Variants in PTPN21 observed in about 807,000 individuals in gnomAD.
PTPN21 encodes the protein tyrosine-protein phosphatase non-receptor type 21.
Under a neutral mutation model 131.8 loss-of-function variants are expected in PTPN21, and 77 were observed. The ratio of observed to expected loss-of-function variants is 0.58; its 90% CI spans 0.49 to 0.71. The LOEUF is 0.71. PTPN21 is among the 30% of genes least tolerant of loss of function. The pLI is 0.00. For missense variants in PTPN21, 1,552 were observed against 1,527.1 expected (o/e 1.02, Z -0.27); for synonymous variants, 715 against 621.3 (o/e 1.15, Z -2.24).
At chr14:88,537,310 G>A (rs1000003304) in intron 2 of PTPN21, among the ~76,000 whole-genome samples, 1 of 152,072 alleles carries the variant, frequency 6.6e-6, no homozygotes, top group Non-Finnish European at 1.5e-5. Flanking sequence ...GACAGTAGGA[G>A]GCACAAACTG....
At chr14:88,490,374 G>A (rs1458393140) in intron 10 of PTPN21, among the ~76,000 whole-genome samples, 3 of 152,030 alleles carry the variant, frequency 2.0e-5, no homozygotes, top group Admixed American at 6.6e-5. Flanking sequence ...AGAAAAAGCC[G>A]CTGCCTCTCC....
chr14:88,526,548 A>AG lies in PTPN21; in HGVS notation c.181-9288_181-9287insC, dbSNP rs2078480664. ...CTGGGCAATAGAGCGAGATGATCTC[A>AG]AAAAAAAAAAAAAAAAAAAAAAAAA... On this transcript the variant is annotated intron_variant, in intron 2 of 18. Coordinates refer to ENST00000556564, the MANE Select transcript of PTPN21 (RefSeq NM_007039.4). Among the ~76,000 whole-genome samples the AG allele has an allele frequency of 5.7e-4, 4 of 7,056 alleles. No individual in the cohort carries two copies. The East Asian group carries it at 0.024, about 42-fold the overall frequency. The allele number at this position is 7,056 out of a possible 152,430, so 4.6% of individuals were successfully genotyped here. A position where few individuals can be genotyped will look rare whatever the true frequency, so the allele number is the denominator to read the frequency against.
chr14:88,542,126 G>A (rs1015288443), intron 2 of PTPN21, among the ~76,000 whole-genome samples: 4 of 152,276 alleles, frequency 2.6e-5, no homozygotes, highest in Middle Eastern at 3.4e-3. Context: ...TATTAGCTAC[G>A]TAATCACTCA....
chr14:88,481,996 G>A (rs1183856162), intron 12 of PTPN21, among the ~76,000 whole-genome samples: 1 of 152,250 alleles, frequency 6.6e-6, no homozygotes, highest in Non-Finnish European at 1.5e-5. Context: ...CCCTACGGCA[G>A]ACTCAGACAG....
intron 2 of PTPN21, among the ~76,000 whole-genome samples, chr14:88,541,637 C>T (rs904553792): frequency 2.0e-5 from 3 of 152,182 alleles, no homozygotes; most frequent in Non-Finnish European, 2.9e-5. Flanking sequence ...TCTGTCCCCC[C>T]TGAGAGGGGC....
chr14:88,475,007 G>A (rs929440390), intron 13 of PTPN21, among the ~76,000 whole-genome samples: 1 of 152,050 alleles, frequency 6.6e-6, no homozygotes, highest in Non-Finnish European at 1.5e-5. Flanking sequence ...CAGGAGAAAG[G>A]CTTGAACCTG....
In PTPN21 at chr14:88,467,462, G is replaced by T. The variant is rs892916068; in HGVS notation, c.*675C>A. 6.6e-6 allele frequency: 1 copy of T among 151,374 alleles called. No individual in the cohort carries two copies. Among genetic ancestry groups the T allele is most frequent in the Non-Finnish European group, 1.5e-5 (1 of 68,028 alleles). 9.4% of individuals were successfully genotyped at this position (151,374 alleles called of 1,614,324 possible). On this transcript the variant is annotated 3_prime_UTR_variant, in exon 19 of 19. Transcript: ENST00000556564. ...TCATTTCAGTATCTAAATGAATTGA[G>T]CTCTCATTTGAAAAACAGAAGGTAC...
chr14:88,474,152 AAAAC>A lies in PTPN21; in HGVS notation c.2512-354_2512-351del, dbSNP rs1189057820. Among the ~76,000 whole-genome samples, 26 of 136,028 alleles carry A rather than the reference AAAAC, an allele frequency of 1.9e-4. 2 individuals carry two copies. The highest frequency in any genetic ancestry group is 4.1e-4 in the East Asian group (2 of 4,910). 89.2% of individuals were successfully genotyped at this position (136,028 alleles called of 152,430 possible). ...AGTCCAAAAAAAAAAAAAAAAAAAA[AAAAC>A]AAAAGCTTTAAATGCAATCAATTGA... On this transcript the variant is annotated intron_variant, in intron 13 of 18. Coordinates refer to ENST00000556564, the MANE Select transcript of PTPN21 (RefSeq NM_007039.4).
intron 1 of PTPN21, among the ~76,000 whole-genome samples, chr14:88,553,134 AT>A (rs1276158758): frequency 1.3e-5 from 2 of 152,232 alleles, no homozygotes; most frequent in Non-Finnish European, 2.9e-5. Context: ...TTAAGCTCTG[AT>A]TAAGCAAACT....
chr14:88,518,273 T>TATATAC lies in PTPN21; in HGVS notation c.181-1013_181-1012insGTATAT, dbSNP rs763756368. Among the ~76,000 whole-genome samples the TATATAC allele has an allele frequency of 4.1e-3, 282 of 68,188 alleles. 7 individuals are homozygous for TATATAC. The highest frequency in any genetic ancestry group is 0.017 in the African/African-American group (239 of 13,798). The allele number at this position is 68,188 out of a possible 152,430, so 44.7% of individuals were successfully genotyped here. ...AAAAAAAAATATATATATATATATA[T>TATATAC]ACACACACACATACGCACACACACA... On this transcript the variant is annotated intron_variant, in intron 2 of 18. Coordinates refer to ENST00000556564, the MANE Select transcript of PTPN21 (RefSeq NM_007039.4).
chr14:88,543,431 A>C (rs181644853), intron 2 of PTPN21, among the ~76,000 whole-genome samples: 2 of 152,260 alleles, frequency 1.3e-5, no homozygotes, highest in African/African-American at 4.8e-5. Flanking sequence ...ATCTGTATAC[A>C]AAACTTTGGA....
intron 18 of PTPN21, among the ~76,000 whole-genome samples, 154 bp from the exon 19 acceptor site, chr14:88,468,419 T>C (rs1217562485): frequency 1.3e-5 from 2 of 152,220 alleles, no homozygotes; most frequent in African/African-American, 4.8e-5. Context: ...GATTGCCTAC[T>C]TCTGATTTTC....
chr14:88,519,995 C>T (rs1188582579), intron 2 of PTPN21, among the ~76,000 whole-genome samples: 2 of 152,138 alleles, frequency 1.3e-5, no homozygotes, highest in African/African-American at 4.8e-5. Flanking sequence ...ACCAGAAGTA[C>T]CTAGAGGGTT....
chr14:88,550,512 A>T lies in PTPN21; in HGVS notation c.-95T>A. 8.3e-7 allele frequency: 1 copy of T among 1,207,850 alleles called. No individual in the cohort carries two copies. Among genetic ancestry groups the T allele is most frequent in the Admixed American group, 2.4e-5 (1 of 41,370 alleles). The allele number at this position is 1,207,850 out of a possible 1,614,324, so 74.8% of individuals were successfully genotyped here. A position where few individuals can be genotyped will look rare whatever the true frequency, so the allele number is the denominator to read the frequency against. On this transcript the variant is annotated 5_prime_UTR_variant, in exon 2 of 19. Coordinates refer to ENST00000556564, the MANE Select transcript of PTPN21 (RefSeq NM_007039.4). ...GCCAGGAGAAAGCGATCCTCTCCGG[A>T]TGGGACGAACACTGTCCGGCCTCCA...
At chr14:88,500,652 G>T in intron 8 of PTPN21, 131 bp downstream of exon 8, 1 of 650,152 alleles carries the variant, frequency 1.5e-6, no homozygotes, top group African/African-American at 1.8e-5. Flanking sequence ...TTTTTCCTAG[G>T]AAGGGAATTA....
Position 88,469,831 on chromosome 14 carries a change from G to A in PTPN21, c.3000+91C>T. The A allele has an allele frequency of 6.2e-7, 1 of 1,601,494 alleles. No homozygotes were observed. Among genetic ancestry groups the A allele is most frequent in the Non-Finnish European group, 8.6e-7 (1 of 1,168,870 alleles). ...TGAAACAGAACCACAACCCTACCCT[G>A]CCTTTTTCTCCACAGGTCAGGATTC... is the stretch of plus-strand genomic sequence containing the variant. On this transcript the variant is annotated intron_variant, in intron 16 of 18. Transcript: ENST00000556564. The surrounding 1 kb of genome is among the most constrained non-coding windows in gnomAD (Gnocchi z 4.3).
At chr14:88,511,216 A>G (rs2078175493) in intron 3 of PTPN21, among the ~76,000 whole-genome samples, 1 of 151,852 alleles carries the variant, frequency 6.6e-6, no homozygotes, top group Non-Finnish European at 1.5e-5. Context: ...ACACCCAGCC[A>G]TAAATACGTT....
At chr14:88,518,733 A>G (rs1448394579) in intron 2 of PTPN21, among the ~76,000 whole-genome samples, 3 of 151,888 alleles carry the variant, frequency 2.0e-5, no homozygotes, top group African/African-American at 7.2e-5. Context: ...ACCCAGCCTC[A>G]TAATTAATAT....
chr14:88,498,864 G>C (rs1370795554), intron 8 of PTPN21, among the ~76,000 whole-genome samples: 2 of 151,554 alleles, frequency 1.3e-5, no homozygotes, highest in Admixed American at 6.6e-5. Context: ...TTTATAAAAA[G>C]AAAAAATTAT....
Sources: gnomAD v4.1 joint callset for allele counts (sites outside exome capture counted in the v4.1 genomes callset) on GRCh38, gnomAD v4.1.1 for gene constraint, Gnocchi (gnomAD v3.1) non-coding constraint, MANE v1.5 for transcripts, NCBI Gene and HGNC (gene_info 2026-07-23, HGNC 2026-07-21) for gene names.